CACNG2: variants seen among roughly 807,000 people sequenced by gnomAD.
The protein encoded by CACNG2 is voltage-dependent calcium channel gamma-2 subunit.
In CACNG2, 3 loss-of-function variants were observed where a neutral mutation model predicts 25.9. The observed-to-expected ratio is 0.12, with a 90% CI of 0.05 to 0.30. CACNG2 has a LOEUF of 0.30. Among genes scored for constraint, CACNG2 ranks in the 10% least tolerant of loss-of-function variants. The pLI is 1.00. For missense variants in CACNG2, 341 were observed against 432.5 expected (o/e 0.79, Z 1.88); for synonymous variants, 167 against 173.3 (o/e 0.96, Z 0.29).
In CACNG2 at chr22:36,611,718, T is replaced by C. The variant is rs58803998; in HGVS notation, c.212-24170A>G. 3.3e-5 allele frequency among the ~76,000 whole-genome samples: 5 copies of C among 151,848 alleles called. No individual in the cohort carries two copies. In the East Asian group the frequency reaches 9.7e-4, roughly 29 times the overall value. On this transcript the variant is annotated intron_variant, in intron 1 of 3. Coordinates refer to ENST00000300105, the MANE Select transcript of CACNG2 (RefSeq NM_006078.5). The stretch of plus-strand genomic sequence containing the variant: ...GTGTGGGAGTCTGACCAGCCGCGGG[T>C]CTCCAGGCTGTTGTTCTAGCACTGT...
chr22:36,581,562 C>T (rs1436614964), intron 2 of CACNG2, among the ~76,000 whole-genome samples: 1 of 152,220 alleles, frequency 6.6e-6, no homozygotes, highest in Non-Finnish European at 1.5e-5. Flanking sequence ...CTCTGCTCTA[C>T]ATCCCCAGTC....
chr22:36,688,075 A>G (rs1298946977), intron 1 of CACNG2, among the ~76,000 whole-genome samples: 1 of 152,146 alleles, frequency 6.6e-6, no homozygotes, highest in Non-Finnish European at 1.5e-5. Context: ...ATAATGGGTA[A>G]AATGAGAATC....
chr22:36,667,194 C>T (rs1206277960), intron 1 of CACNG2, among the ~76,000 whole-genome samples: 1 of 152,178 alleles, frequency 6.6e-6, no homozygotes, highest in African/African-American at 2.4e-5. Flanking sequence ...TGGCCTCAAA[C>T]TTCTGACCTC....
At chr22:36,573,310 TTTTG>T (rs1935262737) in intron 2 of CACNG2, among the ~76,000 whole-genome samples, 2 of 151,894 alleles carry the variant, frequency 1.3e-5, no homozygotes. Context: ...AATCCAATGC[TTTTG>T]TTTTTTACTT....
chr22:36,594,567 T>C (rs1401643764), intron 1 of CACNG2, among the ~76,000 whole-genome samples: 1 of 152,140 alleles, frequency 6.6e-6, no homozygotes, highest in African/African-American at 2.4e-5. Context: ...GGAAGGTGTG[T>C]CCAGGCGAGG....
chr22:36,678,764 A>G (rs1334719350), intron 1 of CACNG2, among the ~76,000 whole-genome samples: 2 of 149,032 alleles, frequency 1.3e-5, no homozygotes, highest in African/African-American at 5.1e-5. Context: ...CTAGGACACC[A>G]CCCCCTTCTC....
At chr22:36,593,237 G>A (rs1439621912) in intron 1 of CACNG2, among the ~76,000 whole-genome samples, 1 of 152,228 alleles carries the variant, frequency 6.6e-6, no homozygotes, top group African/African-American at 2.4e-5. Context: ...GGCACATCAG[G>A]TTGGAGTGAA....
chr22:36,688,808 C>T (rs910100953), intron 1 of CACNG2, among the ~76,000 whole-genome samples: 2 of 152,172 alleles, frequency 1.3e-5, no homozygotes, highest in African/African-American at 4.8e-5. Context: ...ATCAGCCTCA[C>T]CTGAGCACCA....
At chr22:36,577,050 A>G (rs1400713360) in intron 2 of CACNG2, among the ~76,000 whole-genome samples, 1 of 152,126 alleles carries the variant, frequency 6.6e-6, no homozygotes, top group East Asian at 1.9e-4. Flanking sequence ...AGGCTGCCGG[A>G]GTCCATCTTC....
At chr22:36,619,505 A>G (rs985371860) in intron 1 of CACNG2, among the ~76,000 whole-genome samples, 2 of 152,224 alleles carry the variant, frequency 1.3e-5, no homozygotes, top group African/African-American at 4.8e-5. Context: ...TTTGTCCAAT[A>G]TGTACCAAGT....
intron 1 of CACNG2, among the ~76,000 whole-genome samples, chr22:36,620,742 C>T (rs1016023457): frequency 3.3e-5 from 5 of 152,220 alleles, no homozygotes; most frequent in African/African-American, 1.2e-4. Flanking sequence ...GACCACGGGG[C>T]CTTGCGTCAG....
At chr22:36,611,592 A>C (rs1736675985) in intron 1 of CACNG2, among the ~76,000 whole-genome samples, 1 of 152,144 alleles carries the variant, frequency 6.6e-6, no homozygotes, top group South Asian at 2.1e-4. Flanking sequence ...TGAGTTGATA[A>C]AATGCCTGCT....
intron 1 of CACNG2, among the ~76,000 whole-genome samples, chr22:36,628,923 C>T (rs1249525969): frequency 2.0e-5 from 3 of 152,128 alleles, no homozygotes; most frequent in Non-Finnish European, 4.4e-5. Flanking sequence ...GTCATTTTCT[C>T]TTCTTTCTAG....
At chr22:36,699,995 C>G (rs73154809) in intron 1 of CACNG2, among the ~76,000 whole-genome samples, 1 of 152,230 alleles carries the variant, frequency 6.6e-6, no homozygotes, top group Non-Finnish European at 1.5e-5. Flanking sequence ...AAAGCGGGCC[C>G]GGAGCTCCAG....
At chr22:36,616,452 G>A (rs534877490) in intron 1 of CACNG2, among the ~76,000 whole-genome samples, 4 of 152,224 alleles carry the variant, frequency 2.6e-5, no homozygotes, top group African/African-American at 4.8e-5. Flanking sequence ...AGCGCCTTAC[G>A]ATTCACCGGA....
intron 1 of CACNG2, among the ~76,000 whole-genome samples, chr22:36,638,171 T>G (rs756002561): frequency 1.2e-4 from 19 of 152,186 alleles, no homozygotes; most frequent in Non-Finnish European, 2.1e-4. Context: ...CCATTTCTCA[T>G]CACTGCCTAT....
intron 2 of CACNG2, among the ~76,000 whole-genome samples, chr22:36,579,376 C>G (rs1401379900): frequency 7.4e-6 from 1 of 135,768 alleles, no homozygotes; most frequent in Non-Finnish European, 1.5e-5. Context: ...TGCACTCCAG[C>G]CTGGGCAACA....
At chr22:36,662,145 A>G (rs1009714023) in intron 1 of CACNG2, among the ~76,000 whole-genome samples, 4 of 150,460 alleles carry the variant, frequency 2.7e-5, no homozygotes, top group African/African-American at 9.7e-5. Flanking sequence ...AACCTGGCCA[A>G]TTTTTTTTGT....
chr22:36,569,312 C>T (rs1935185980), intron 2 of CACNG2, among the ~76,000 whole-genome samples: 1 of 152,104 alleles, frequency 6.6e-6, no homozygotes, highest in African/African-American at 2.4e-5. Context: ...TCCCCTGCCA[C>T]CCAGCTAGTG....
Sources: allele counts gnomAD v4.1 joint callset (sites outside exome capture counted in the v4.1 genomes callset), GRCh38; gene constraint gnomAD v4.1.1; transcripts MANE v1.5; gene names NCBI Gene and HGNC (gene_info 2026-07-23, HGNC 2026-07-21).